The following CACNA1C variants were observed in gnomAD, a reference collection of about 807,000 sequenced individuals.
The protein encoded by CACNA1C is calcium voltage-gated channel subunit alpha1 C, also known as voltage-dependent L-type calcium channel subunit alpha-1C.
A neutral mutation model predicts 229.0 loss-of-function variants in CACNA1C; 30 were observed. The ratio of observed to expected loss-of-function variants is 0.13; its 90% CI spans 0.10 to 0.18. The LOEUF (loss-of-function observed/expected upper bound fraction) is 0.18, where lower values mean the gene tolerates loss of function less well. Ranked by LOEUF, CACNA1C falls within the 10% of genes least tolerant of loss-of-function variation. The pLI is 1.00. For synonymous variants in CACNA1C, 1,114 were observed against 1,132.5 expected (o/e 0.98, Z 0.33); for missense variants, 1,658 against 2,845.0 (o/e 0.58, Z 9.49).
intron 9 of CACNA1C, among the ~76,000 whole-genome samples, chr12:2,538,217 G>T (rs533621826): frequency 5.6e-4 from 85 of 152,188 alleles, no homozygotes; most frequent in Non-Finnish European, 9.4e-4. Context: ...CACTTCTATT[G>T]TGCCTTTTTA....
chr12:2,518,125 G>A (rs907268689), intron 9 of CACNA1C, among the ~76,000 whole-genome samples: 5 of 152,214 alleles, frequency 3.3e-5, no homozygotes, highest in African/African-American at 1.2e-4. Context: ...AGCTAGCAGA[G>A]CCACGTGCCT....
chr12:2,590,683 G>C (rs550550516), intron 18 of CACNA1C, among the ~76,000 whole-genome samples: 36 of 152,208 alleles, frequency 2.4e-4, no homozygotes, highest in Non-Finnish European at 4.4e-4. Flanking sequence ...CTTCATAAAC[G>C]GGGGGGAGCT....
At chr12:2,568,393 G>A (rs1306244799) in intron 13 of CACNA1C, among the ~76,000 whole-genome samples, 4 of 152,244 alleles carry the variant, frequency 2.6e-5, no homozygotes, top group Middle Eastern at 3.4e-3. Flanking sequence ...AGCCACCGTG[G>A]GAAATGGTAT....
rs1049572846 is a variant in CACNA1C, at chr12:2,602,580, C to T, written c.2960+620C>T. Among the ~76,000 whole-genome samples, 2 of 149,372 alleles carry T rather than the reference C, an allele frequency of 1.3e-5. No individual in the cohort carries two copies. Among genetic ancestry groups the T allele is most frequent in the African/African-American group, 5.0e-5 (2 of 40,240 alleles). On this transcript the variant is annotated intron_variant, in intron 22 of 46. Transcript: ENST00000399655. The surrounding 1 kb of genome is among the most constrained non-coding windows in gnomAD (Gnocchi z 4.4). ...GTGAATGTATATGTGTATGTATGTGCATATGTATGTGTGAGTGCATGTATG... is the reference window on the plus strand; with the variant it reads ...GTGAATGTATATGTGTATGTATGTGTATATGTATGTGTGAGTGCATGTATG...
At chr12:2,462,047 G>A (rs866723450) in intron 5 of CACNA1C, among the ~76,000 whole-genome samples, 9 of 151,992 alleles carry the variant, frequency 5.9e-5, no homozygotes, top group Admixed American at 1.3e-4. Context: ...GCGATCTCAC[G>A]CCTCCTTCCT....
chr12:2,169,099 A>G (rs1433721594), intron 3 of CACNA1C, among the ~76,000 whole-genome samples: 2 of 152,158 alleles, frequency 1.3e-5, no homozygotes, highest in Non-Finnish European at 2.9e-5. Context: ...TTAAGAGCTC[A>G]GGTCCTTTAG....
At chr12:2,612,987 C>G (rs1188285354) in intron 29 of CACNA1C, 1 of 152,204 alleles carries the variant, frequency 6.6e-6, no homozygotes, top group African/African-American at 2.4e-5. Flanking sequence ...TCCCCTCCCT[C>G]CTTTGGTAGT....
At chr12:2,433,194 C>T (rs2099102917) in intron 3 of CACNA1C, among the ~76,000 whole-genome samples, 1 of 152,182 alleles carries the variant, frequency 6.6e-6, no homozygotes, top group Non-Finnish European at 1.5e-5. Context: ...GTGCCCATCT[C>T]AGCACAGGAA....
In CACNA1C at chr12:2,639,691, C is replaced by T. The variant is rs1400969081; in HGVS notation, c.3912+5311C>T. Among the ~76,000 whole-genome samples, 2 of 152,100 alleles carry T rather than the reference C, an allele frequency of 1.3e-5. No homozygotes were observed. The highest frequency in any genetic ancestry group is 2.9e-5 in the Non-Finnish European group (2 of 68,032). Reference sequence around the variant, plus strand: ...AGCTGGAGGTGGATGCTTCATTGCCCCCATTGCCTTGCTGGGTTCTGAGGT... The same window carrying T: ...AGCTGGAGGTGGATGCTTCATTGCCTCCATTGCCTTGCTGGGTTCTGAGGT... On this transcript the variant is annotated intron_variant, in intron 30 of 46. Coordinates refer to ENST00000399655, the MANE Select transcript of CACNA1C (RefSeq NM_000719.7). The surrounding 1 kb of genome is among the most constrained non-coding windows in gnomAD (Gnocchi z 4.2).
intron 3 of CACNA1C, among the ~76,000 whole-genome samples, chr12:2,216,889 C>T (rs143519885): frequency 1.8e-4 from 27 of 152,276 alleles, no homozygotes; most frequent in South Asian, 2.1e-4. Context: ...TAATTCACAG[C>T]GGCACATTCT....
At position 2,172,534 on chromosome 12, in the gene CACNA1C, T is replaced by C. The variant is rs926620290; in HGVS notation, c.477+52104T>C. Among the ~76,000 whole-genome samples, 7 of 152,342 alleles carry C rather than the reference T, an allele frequency of 4.6e-5. No individual in the cohort carries two copies. In the East Asian group the frequency reaches 1.4e-3, roughly 29 times the overall value. On this transcript the variant is annotated intron_variant, in intron 3 of 46. Coordinates refer to ENST00000399655, the MANE Select transcript of CACNA1C (RefSeq NM_000719.7). Reference sequence around the variant, plus strand: ...TCTTCTGAAGAGCTCAAAATGCAAGTATTAAAATAATATGTCCAAATATCC... The same window carrying C: ...TCTTCTGAAGAGCTCAAAATGCAAGCATTAAAATAATATGTCCAAATATCC...
At chr12:2,378,164 A>G (rs1445369655) in intron 3 of CACNA1C, among the ~76,000 whole-genome samples, 4 of 152,202 alleles carry the variant, frequency 2.6e-5, no homozygotes, top group African/African-American at 4.8e-5. Flanking sequence ...AATACGATTA[A>G]CAACCACAAC....
intron 1 of CACNA1C, chr12:2,004,175 G>C (rs762722089): frequency 4.0e-6 from 6 of 1,493,010 alleles, no homozygotes; most frequent in Non-Finnish European, 5.4e-6. Context: ...CCCACTTCCA[G>C]GGCGTCAACG....
At position 2,468,158 on chromosome 12, in the gene CACNA1C, C is replaced by G. The variant is rs561657854; in HGVS notation, c.757+10452C>G. On this transcript the variant is annotated intron_variant, in intron 5 of 46. Transcript: ENST00000399655. ...CTGAGAGGTTACTGAGTATCAACAA[C>G]AGTATGTGGCTGAACTGGGAACATC... 7.9e-5 allele frequency among the ~76,000 whole-genome samples: 12 copies of G among 152,336 alleles called. No homozygotes were observed. In the South Asian group the frequency reaches 1.2e-3, roughly 16 times the overall value.
intron 1 of CACNA1C, among the ~76,000 whole-genome samples, chr12:2,084,001 A>G (rs983392871): frequency 2.6e-5 from 4 of 152,232 alleles, no homozygotes; most frequent in Non-Finnish European, 1.5e-5. Flanking sequence ...TCATAAAATT[A>G]AATTATTCTA....
intron 3 of CACNA1C, among the ~76,000 whole-genome samples, chr12:2,154,384 T>A (rs148591464): frequency 1.3e-5 from 2 of 152,320 alleles, no homozygotes; most frequent in East Asian, 3.9e-4. Flanking sequence ...ACAGAGCTGC[T>A]TCCTTCCCGC....
At chr12:2,277,945 T>C (rs2089542666) in intron 3 of CACNA1C, among the ~76,000 whole-genome samples, 1 of 152,250 alleles carries the variant, frequency 6.6e-6, no homozygotes, top group South Asian at 2.1e-4. Flanking sequence ...CTCATCGTGC[T>C]GAGATGGGTT....
intron 3 of CACNA1C, among the ~76,000 whole-genome samples, chr12:2,162,141 T>C (rs1319171685): frequency 6.6e-6 from 1 of 152,178 alleles, no homozygotes; most frequent in Non-Finnish European, 1.5e-5. Context: ...TGCTCCTGTC[T>C]ACCTGTCTAC....
chr12:2,411,395 G>T (rs2154553556), intron 3 of CACNA1C, among the ~76,000 whole-genome samples: 1 of 152,248 alleles, frequency 6.6e-6, no homozygotes, highest in African/African-American at 2.4e-5. Flanking sequence ...GCTGGAGGTG[G>T]GGGGTACACT....
Sources: allele counts gnomAD v4.1 joint callset (sites outside exome capture counted in the v4.1 genomes callset), GRCh38; gene constraint gnomAD v4.1.1; non-coding constraint Gnocchi (gnomAD v3.1); transcripts MANE v1.5; gene names NCBI Gene and HGNC (gene_info 2026-07-23, HGNC 2026-07-21).